Variants in TFAP2A observed in about 807,000 individuals in gnomAD.
The protein encoded by TFAP2A is transcription factor AP-2 alpha, also known as transcription factor AP-2-alpha.
In TFAP2A, 7 loss-of-function variants were observed where a neutral mutation model predicts 41.5. That is an observed-to-expected ratio of 0.17 (90% CI 0.10 to 0.32). TFAP2A has a LOEUF of 0.32. Among genes scored for constraint, TFAP2A ranks in the 10% least tolerant of loss-of-function variants. The probability of loss-of-function intolerance (pLI) is 1.00; values close to 1 mark genes in which losing one functional copy is unlikely to be tolerated. For missense variants in TFAP2A, 416 were observed against 563.3 expected, an observed-to-expected ratio of 0.74 and a Z score of 2.65; for synonymous variants, 247 against 242.8, an observed-to-expected ratio of 1.02 and a Z score of -0.16.
chr6:10,414,613 C>T, intron 1 of TFAP2A: 3 of 520,354 alleles, frequency 5.8e-6, no homozygotes, highest in Non-Finnish European at 1.0e-5. Flanking sequence ...ACGAGGAGTG[C>T]ACAGGCAAGT....
At chr6:10,411,893 A>C in intron 1 of TFAP2A, 1 of 1,282,832 alleles carries the variant, frequency 7.8e-7, no homozygotes. Context: ...AAAAAGGAAA[A>C]AGGAAAAAGT....
chr6:10,416,641 C>T (rs933156042), upstream of TFAP2A, among the ~76,000 whole-genome samples: 1 of 152,174 alleles, frequency 6.6e-6, no homozygotes, highest in African/African-American at 2.4e-5. Flanking sequence ...TCGAAAATCT[C>T]CAGGCCTCCC....
At chr6:10,411,880 C>G in intron 1 of TFAP2A, 1 of 1,322,170 alleles carries the variant, frequency 7.6e-7, no homozygotes, top group Non-Finnish European at 9.7e-7. Context: ...ATGAAAAACC[C>G]CAAAAAAGGA....
intron 5 of TFAP2A, among the ~76,000 whole-genome samples, chr6:10,401,172 G>A (rs889614817): frequency 8.5e-5 from 13 of 152,138 alleles, no homozygotes; most frequent in Non-Finnish European, 1.0e-4. Context: ...GAACGCATGC[G>A]CCAATTAGAG....
At chr6:10,402,379 T>C in intron 5 of TFAP2A, 113 bp downstream of exon 5, 1 of 843,104 alleles carries the variant, frequency 1.2e-6, no homozygotes, top group Non-Finnish European at 2.1e-6. Flanking sequence ...CTATATTCTC[T>C]GCAAAGATGA....
chr6:10,407,097 G>A, intron 2 of TFAP2A: 1 of 534,320 alleles, frequency 1.9e-6, no homozygotes, highest in East Asian at 3.2e-5. Context: ...GTGGAGATGG[G>A]GAATAAAACT....
chr6:10,414,797 G>A, intron 1 of TFAP2A, 144 bp downstream of exon 1: 1 of 1,117,310 alleles, frequency 9.0e-7, no homozygotes, highest in Non-Finnish European at 1.3e-6. Context: ...GCGTTCTTCG[G>A]GCGAATCCGA....
At chr6:10,407,697 C>T (rs947195763) in intron 2 of TFAP2A, 1 of 152,080 alleles carries the variant, frequency 6.6e-6, no homozygotes, top group Non-Finnish European at 1.5e-5. Context: ...CAGGCATTAC[C>T]ATTTAAAAAA....
chr6:10,410,472 C>G (rs1757914263), intron 1 of TFAP2A, 137 bp from the exon 2 acceptor site: 1 of 813,518 alleles, frequency 1.2e-6, no homozygotes, highest in South Asian at 1.5e-5. Context: ...AAAATCAGCT[C>G]TAAGTTCTTT....
chr6:10,415,594 C>G (rs1758212981), upstream of TFAP2A: 1 of 174,902 alleles, frequency 5.7e-6, no homozygotes, highest in African/African-American at 2.4e-5. Context: ...CCAAGCGCCA[C>G]GCCTGGGGCC....
intron 1 of TFAP2A, chr6:10,412,613 G>A (rs2113217327): frequency 3.9e-6 from 1 of 253,802 alleles, no homozygotes; most frequent in Non-Finnish European, 8.2e-6. Context: ...TCGGGATGCA[G>A]CGGGGGTCGT....
rs1475748486 is a variant in TFAP2A, at chr6:10,398,192, G to A, written c.*225C>T. On this transcript the variant is annotated 3_prime_UTR_variant, in exon 7 of 7. Coordinates refer to ENST00000379613, the MANE Select transcript of TFAP2A (RefSeq NM_001372066.1). The surrounding 1 kb of genome is among the most constrained non-coding windows in gnomAD (Gnocchi z 5.3). ...GGCACAGGGGTGTGGGAGCGGGTGG[G>A]GAGGTCGAGGCGGGTGCAGAGTCGG... The A allele has an allele frequency of 1.0e-5, 15 of 1,449,258 alleles. No homozygotes were observed. The highest frequency in any genetic ancestry group is 1.4e-5 in the Non-Finnish European group (15 of 1,104,822). The allele number at this position is 1,449,258 out of a possible 1,614,324, so 89.8% of individuals were successfully genotyped here. A position where few individuals can be genotyped will look rare whatever the true frequency, so the allele number is the denominator to read the frequency against.
At chr6:10,411,671 C>A (rs1309443962) in intron 1 of TFAP2A, 14 of 1,607,736 alleles carry the variant, frequency 8.7e-6, no homozygotes, top group Non-Finnish European at 1.1e-5. Context: ...GCCCCGCCGC[C>A]CGAGCGCGCC....
chr6:10,409,557 G>C (rs1757857802), intron 2 of TFAP2A: 1 of 284,778 alleles, frequency 3.5e-6, no homozygotes. Flanking sequence ...CTCCACGCCA[G>C]ACTCAGCGAT....
intron 2 of TFAP2A, 31 bp from the exon 3 acceptor site, chr6:10,406,875 TG>T: frequency 6.4e-7 from 1 of 1,570,094 alleles, no homozygotes; most frequent in Non-Finnish European, 8.8e-7. Context: ...TGGATGTAAG[TG>T]TATCATCAAA....
At chr6:10,409,184 A>G (rs1200743930) in intron 2 of TFAP2A, 2 of 152,266 alleles carry the variant, frequency 1.3e-5, no homozygotes, top group Admixed American at 1.3e-4. Context: ...TTTAAACTGC[A>G]TTTATTGATA....
At chr6:10,405,478 G>A (rs1234972891) in intron 3 of TFAP2A, 2 of 152,020 alleles carry the variant, frequency 1.3e-5, no homozygotes, top group Admixed American at 1.3e-4. Flanking sequence ...CTTTTGTTAA[G>A]TAAATACTTA....
At chr6:10,417,783 G>A (rs1758299789), upstream of TFAP2A, among the ~76,000 whole-genome samples, 1 of 152,170 alleles carries the variant, frequency 6.6e-6, no homozygotes, top group Non-Finnish European at 1.5e-5. Context: ...CCCCACCCGA[G>A]ATCCAGGCCT....
chr6:10,403,301 C>T (rs531430607), intron 4 of TFAP2A, among the ~76,000 whole-genome samples: 2 of 152,268 alleles, frequency 1.3e-5, no homozygotes, highest in Admixed American at 1.3e-4. Flanking sequence ...TACTCAAGTG[C>T]TCTTTAATTG....
Sources: gnomAD v4.1 joint callset for allele counts (sites outside exome capture counted in the v4.1 genomes callset) on GRCh38, gnomAD v4.1.1 for gene constraint, Gnocchi (gnomAD v3.1) non-coding constraint, MANE v1.5 for transcripts, NCBI Gene and HGNC (gene_info 2026-07-23, HGNC 2026-07-21) for gene names.